The following UBAC2 variants were observed in gnomAD, a reference collection of about 807,000 sequenced individuals.
The protein encoded by UBAC2 is ubiquitin-associated domain-containing protein 2.
A neutral mutation model predicts 44.0 loss-of-function variants in UBAC2; 26 were observed. The observed-to-expected ratio is 0.59, with a 90% CI of 0.43 to 0.82. UBAC2 has a LOEUF of 0.82. Among genes scored for constraint, UBAC2 ranks in the 40% least tolerant of loss-of-function variants. The probability of loss-of-function intolerance (pLI) is 0.00; values close to 1 mark genes in which losing one functional copy is unlikely to be tolerated. For missense variants in UBAC2, 329 were observed against 419.4 expected, an observed-to-expected ratio of 0.78 and a Z score of 1.88; for synonymous variants, 155 against 154.3, an observed-to-expected ratio of 1.00 and a Z score of -0.04.
intron 8 of UBAC2, among the ~76,000 whole-genome samples, chr13:99,374,347 A>G (rs972377909): frequency 2.0e-5 from 3 of 152,084 alleles, no homozygotes; most frequent in Non-Finnish European, 4.4e-5. Flanking sequence ...TAAAGTTTCA[A>G]TTTGATTGTG....
intron 4 of UBAC2, among the ~76,000 whole-genome samples, chr13:99,297,024 A>C (rs1161667708): frequency 6.6e-6 from 1 of 152,194 alleles, no homozygotes; most frequent in Non-Finnish European, 1.5e-5. Flanking sequence ...TTTGTCGTGT[A>C]TATTTTATAT....
intron 7 of UBAC2, among the ~76,000 whole-genome samples, chr13:99,349,797 G>A (rs1368786871): frequency 2.6e-5 from 4 of 152,220 alleles, no homozygotes; most frequent in South Asian, 4.1e-4. Context: ...GAGCGTGACC[G>A]TTGAAGCACA....
chr13:99,342,448 G>A (rs1452696339), intron 7 of UBAC2, among the ~76,000 whole-genome samples: 2 of 152,122 alleles, frequency 1.3e-5, no homozygotes, highest in African/African-American at 2.4e-5. Context: ...TAGTCTCGGC[G>A]CTGAGTGACT....
intron 4 of UBAC2, among the ~76,000 whole-genome samples, chr13:99,286,654 C>T (rs2044022334): frequency 6.6e-6 from 1 of 152,146 alleles, no homozygotes; most frequent in African/African-American, 2.4e-5. Context: ...CATCACCCCA[C>T]ACTCCCCCAA....
chr13:99,248,167 T>C (rs1297662050), intron 4 of UBAC2, among the ~76,000 whole-genome samples: 1 of 152,172 alleles, frequency 6.6e-6, no homozygotes, highest in Non-Finnish European at 1.5e-5. Flanking sequence ...TTCCCAGCTG[T>C]CTATTTCCAA....
chr13:99,294,145 C>T (rs2044132383), intron 4 of UBAC2, among the ~76,000 whole-genome samples: 8 of 152,108 alleles, frequency 5.3e-5, no homozygotes, highest in Admixed American at 5.2e-4. Flanking sequence ...CTATATTTTT[C>T]ACTGCTCATC....
At chr13:99,262,699 G>A (rs2043681342) in intron 4 of UBAC2, among the ~76,000 whole-genome samples, 1 of 87,528 alleles carries the variant, frequency 1.1e-5, no homozygotes, top group African/African-American at 4.3e-5. Flanking sequence ...CAACAGAGCA[G>A]AACTCCCTCT....
chr13:99,372,662 G>C (rs1036194986), intron 8 of UBAC2: 1 of 152,402 alleles, frequency 6.6e-6, no homozygotes, highest in African/African-American at 2.4e-5. Flanking sequence ...GTCCTGCCAG[G>C]GTTGCCCAGA....
intron 8 of UBAC2, among the ~76,000 whole-genome samples, chr13:99,380,641 G>A (rs900443452): frequency 2.0e-5 from 3 of 152,124 alleles, no homozygotes; most frequent in South Asian, 2.1e-4. Flanking sequence ...GACCCTTCTC[G>A]TCCTTGCTGG....
intron 4 of UBAC2, chr13:99,307,929 G>A (rs955499875): frequency 5.9e-5 from 9 of 152,210 alleles, no homozygotes; most frequent in African/African-American, 2.2e-4. Flanking sequence ...ATGTGGAGTG[G>A]ACTGGATTAG....
At chr13:99,236,300 G>C (rs968983984) in intron 1 of UBAC2, among the ~76,000 whole-genome samples, 5 of 152,168 alleles carry the variant, frequency 3.3e-5, no homozygotes, top group Non-Finnish European at 5.9e-5. Flanking sequence ...TGCAATACTT[G>C]CAGATTAATC....
chr13:99,224,972 A>T (rs568114551), intron 1 of UBAC2, among the ~76,000 whole-genome samples: 2 of 152,166 alleles, frequency 1.3e-5, no homozygotes, highest in Admixed American at 6.5e-5. Flanking sequence ...TGCTTTCCAC[A>T]TAGGTTTCTG....
chr13:99,281,495 C>A (rs775084549), intron 4 of UBAC2, among the ~76,000 whole-genome samples: 2 of 152,164 alleles, frequency 1.3e-5, no homozygotes, highest in Non-Finnish European at 2.9e-5. Context: ...AGCAAGCACA[C>A]GCCAGGCTCA....
intron 4 of UBAC2, among the ~76,000 whole-genome samples, chr13:99,307,134 C>A (rs933819844): frequency 6.6e-6 from 1 of 152,132 alleles, no homozygotes; most frequent in African/African-American, 2.4e-5. Context: ...GTGGACCCAT[C>A]GCTTTCAGTC....
chr13:99,255,887 G>T, intron 4 of UBAC2: 1 of 1,527,534 alleles, frequency 6.5e-7, no homozygotes, highest in Non-Finnish European at 8.8e-7. Context: ...CAGCTTGTTG[G>T]TAGGCATGAT....
At position 99,385,441 on chromosome 13, in the gene UBAC2, G is replaced by C; in HGVS notation, c.*106G>C. ...GAGCATCTCTGGTGCTGATGTTCTT[G>C]TGGGAAGAGGGAGGTTCCACCGCAC... On this transcript the variant is annotated 3_prime_UTR_variant, in exon 9 of 9. Coordinates refer to ENST00000403766, the MANE Select transcript of UBAC2 (RefSeq NM_001144072.2). The C allele has an allele frequency of 2.2e-6, 2 of 903,676 alleles. 1 individual carries two copies. Among genetic ancestry groups the C allele is most frequent in the South Asian group, 2.9e-5 (2 of 69,494 alleles). The allele number at this position is 903,676 out of a possible 1,614,324, so 56.0% of individuals were successfully genotyped here.
At chr13:99,345,682 G>A (rs1422828612) in intron 7 of UBAC2, among the ~76,000 whole-genome samples, 1 of 151,390 alleles carries the variant, frequency 6.6e-6, no homozygotes, top group Non-Finnish European at 1.5e-5. Flanking sequence ...ACTGCCTATA[G>A]TACATCTCCA....
chr13:99,278,221 T>C (rs2043908523), intron 4 of UBAC2, among the ~76,000 whole-genome samples: 1 of 152,226 alleles, frequency 6.6e-6, no homozygotes, highest in Non-Finnish European at 1.5e-5. Context: ...ATATTTTTCT[T>C]AAATTTGTAG....
At chr13:99,338,057 T>TC (rs1566509574) in intron 6 of UBAC2, among the ~76,000 whole-genome samples, 2 of 86,344 alleles carry the variant, frequency 2.3e-5, no homozygotes, top group Non-Finnish European at 5.4e-5. Context: ...CTTTTTTTTT[T>TC]TTTTTTTTTT....
Sources: allele counts gnomAD v4.1 joint callset (sites outside exome capture counted in the v4.1 genomes callset), GRCh38; gene constraint gnomAD v4.1.1; transcripts MANE v1.5; gene names NCBI Gene and HGNC (gene_info 2026-07-23, HGNC 2026-07-21).